Variants in DAD1 observed in about 807,000 individuals in gnomAD.
The protein encoded by DAD1 is defender against cell death 1, also known as dolichyl-diphosphooligosaccharide--protein glycosyltransferase subunit DAD1.
A neutral mutation model predicts 9.0 loss-of-function variants in DAD1; 4 were observed. The ratio of observed to expected loss-of-function variants is 0.44; its 90% confidence interval spans 0.22 to 1.01. The LOEUF (loss-of-function observed/expected upper bound fraction) is 1.01, where lower values mean the gene tolerates loss of function less well. DAD1 is among the 50% of genes least tolerant of loss of function. The pLI is 0.24. For synonymous variants in DAD1, 60 were observed against 62.5 expected (o/e 0.96, Z 0.19); for missense variants, 119 against 137.3 (o/e 0.87, Z 0.67).
chr14:22,569,684 T>A (rs1030515813), intron 2 of DAD1, among the ~76,000 whole-genome samples: 3 of 152,238 alleles, frequency 2.0e-5, no homozygotes, highest in African/African-American at 7.2e-5. Flanking sequence ...AGGGCAGCAA[T>A]GAAATTCATA....
chr14:22,582,531 T>A (rs939243715), intron 1 of DAD1, among the ~76,000 whole-genome samples: 1 of 150,790 alleles, frequency 6.6e-6, no homozygotes, highest in Non-Finnish European at 1.5e-5. Flanking sequence ...CTCAAAAATA[T>A]AAAAAATAAA....
At chr14:22,579,699 AAC>A (rs1243230190) in intron 1 of DAD1, among the ~76,000 whole-genome samples, 10 of 152,330 alleles carry the variant, frequency 6.6e-5, no homozygotes, top group South Asian at 2.1e-4. Flanking sequence ...AAAAAATTAA[AAC>A]AGTCTAAACA....
chr14:22,583,971 A>C (rs2037135368), intron 1 of DAD1, among the ~76,000 whole-genome samples: 1 of 152,134 alleles, frequency 6.6e-6, no homozygotes, highest in African/African-American at 2.4e-5. Flanking sequence ...CTACTTTAGG[A>C]AGGCGAATGT....
intron 2 of DAD1, among the ~76,000 whole-genome samples, chr14:22,572,674 T>G (rs1181746629): frequency 1.3e-5 from 2 of 152,174 alleles, no homozygotes; most frequent in African/African-American, 2.4e-5. Flanking sequence ...CTCTCTGCAG[T>G]AGAGTCTTCC....
chr14:22,588,250 C>T (rs766818374), intron 1 of DAD1, among the ~76,000 whole-genome samples: 1 of 152,178 alleles, frequency 6.6e-6, no homozygotes, highest in African/African-American at 2.4e-5. Flanking sequence ...ATAGAGGCCA[C>T]GCCTGTTTTC....
intron 1 of DAD1, among the ~76,000 whole-genome samples, chr14:22,585,979 G>A (rs1036562202): frequency 1.3e-5 from 2 of 152,156 alleles, no homozygotes; most frequent in African/African-American, 4.8e-5. Flanking sequence ...GGCCGAGGCG[G>A]GCGAATCACG....
intron 1 of DAD1, among the ~76,000 whole-genome samples, chr14:22,581,968 C>T (rs369491246): frequency 1.3e-5 from 2 of 151,316 alleles, no homozygotes; most frequent in South Asian, 2.1e-4. Context: ...TTTGGGAGGC[C>T]GAGGTGGGTG....
In DAD1 at chr14:22,586,494, G is replaced by A. The variant is rs2037154007; in HGVS notation, c.211+2453C>T. Among the ~76,000 whole-genome samples the A allele has an allele frequency of 3.9e-5, 6 of 152,080 alleles. No individual in the cohort carries two copies. In the South Asian group the frequency reaches 1.0e-3, roughly 26 times the overall value. On this transcript the variant is annotated intron_variant, in intron 1 of 2. Transcript: ENST00000250498. The stretch of plus-strand genomic sequence containing the variant: ...TGGGAGACAGAGGTTGCAGTGAACC[G>A]AGATCGCCATTGCACTCCAGCCTGA...
chr14:22,588,337 T>C (rs988859259), intron 1 of DAD1, among the ~76,000 whole-genome samples: 2 of 152,168 alleles, frequency 1.3e-5, no homozygotes, highest in African/African-American at 4.8e-5. Flanking sequence ...TCGCTAAATA[T>C]AGCAGTCTAC....
intron 2 of DAD1, among the ~76,000 whole-genome samples, chr14:22,572,901 C>T (rs2037051055): frequency 6.6e-6 from 1 of 152,144 alleles, no homozygotes; most frequent in Non-Finnish European, 1.5e-5. Flanking sequence ...TATTTGCAAG[C>T]GTGAGAAGGT....
In DAD1 at chr14:22,580,299, G is replaced by C. The variant is rs1221539350; in HGVS notation, c.212-5066C>G. 2.0e-5 allele frequency among the ~76,000 whole-genome samples: 3 copies of C among 151,940 alleles called. No individual in the cohort carries two copies. In the East Asian group the frequency reaches 5.8e-4, roughly 29 times the overall value. ...GCCAGGTGTGGTAGCACACACCTAT[G>C]GCCCCAGCTACTCGGGAGGCTGAGA... On this transcript the variant is annotated intron_variant, in intron 1 of 2. Coordinates refer to ENST00000250498, the MANE Select transcript of DAD1 (RefSeq NM_001344.4).
At chr14:22,582,463 G>A (rs917819722) in intron 1 of DAD1, among the ~76,000 whole-genome samples, 2 of 151,902 alleles carry the variant, frequency 1.3e-5, no homozygotes, top group African/African-American at 2.4e-5. Flanking sequence ...GGCGGAGCTT[G>A]CAGTGAGCCG....
Position 22,575,042 on chromosome 14 carries a change from C to T in DAD1, c.*44+17G>A. On this transcript the variant is annotated intron_variant, in intron 2 of 2. Coordinates refer to ENST00000250498, the MANE Select transcript of DAD1 (RefSeq NM_001344.4). ...TAAAATCAACATTATAGGACAAGGACTATGATCATCACTTACATTCTTTTA... is the reference window on the plus strand; with the variant it reads ...TAAAATCAACATTATAGGACAAGGATTATGATCATCACTTACATTCTTTTA... 6.3e-7 allele frequency: 1 copy of T among 1,590,348 alleles called. No individual in the cohort carries two copies.
At chr14:22,565,200 T>A (rs1202567415) in intron 2 of DAD1, 63 bp from the exon 3 acceptor site, 2 of 696,500 alleles carry the variant, frequency 2.9e-6, no homozygotes, top group Non-Finnish European at 5.2e-6. Flanking sequence ...CCCAAATCCT[T>A]CCATCTAAAT....
At chr14:22,585,585 C>A (rs989487139) in intron 1 of DAD1, among the ~76,000 whole-genome samples, 3 of 152,036 alleles carry the variant, frequency 2.0e-5, no homozygotes, top group Non-Finnish European at 4.4e-5. Flanking sequence ...AAAACACACA[C>A]AAAAAAAGAT....
intron 2 of DAD1, among the ~76,000 whole-genome samples, chr14:22,571,207 G>C (rs375326989): frequency 6.8e-6 from 1 of 147,928 alleles, no homozygotes; most frequent in African/African-American, 2.6e-5. Context: ...CCAGCTACTC[G>C]GGGAGGCTGC....
intron 2 of DAD1, among the ~76,000 whole-genome samples, chr14:22,573,709 C>CAAAAAA (rs553176098): frequency 4.5e-5 from 2 of 44,494 alleles, no homozygotes; most frequent in South Asian, 7.4e-4. Context: ...GACTCCATCT[C>CAAAAAA]AAAAAAAAAA....
At chr14:22,574,729 A>T (rs1193155911) in intron 2 of DAD1, among the ~76,000 whole-genome samples, 5 of 152,218 alleles carry the variant, frequency 3.3e-5, no homozygotes, top group Non-Finnish European at 5.9e-5. Flanking sequence ...ATTAACTAAC[A>T]AATCTAAAGG....
chr14:22,583,005 C>CAAAAA (rs60692589), intron 1 of DAD1, among the ~76,000 whole-genome samples: 40 of 91,700 alleles, frequency 4.4e-4, no homozygotes, highest in African/African-American at 1.7e-3. Context: ...GACTATGTCT[C>CAAAAA]AAAAAAAAAA....
Sources: gnomAD v4.1 joint callset for allele counts (sites outside exome capture counted in the v4.1 genomes callset) on GRCh38, gnomAD v4.1.1 for gene constraint, MANE v1.5 for transcripts, NCBI Gene and HGNC (gene_info 2026-07-23, HGNC 2026-07-21) for gene names.